The following LRP1B variants were observed in gnomAD, a reference collection of about 807,000 sequenced individuals.
LRP1B encodes the protein low-density lipoprotein receptor-related protein 1B.
Under a neutral mutation model 556.6 loss-of-function variants are expected in LRP1B, and 217 were observed. The observed-to-expected ratio is 0.39, with a 90% CI of 0.35 to 0.44. The LOEUF (loss-of-function observed/expected upper bound fraction) is 0.44. LRP1B is among the 20% of genes least tolerant of loss of function. The probability of loss-of-function intolerance (pLI) is 1.00; values close to 1 mark genes in which losing one functional copy is unlikely to be tolerated. For synonymous variants in LRP1B, 2,047 were observed against 1,865.8 expected (o/e 1.10, Z -2.50); for missense variants, 5,053 against 5,620.8 (o/e 0.90, Z 3.23).
chr2:141,778,857 A>T (rs569788739), intron 2 of LRP1B, among the ~76,000 whole-genome samples: 24 of 152,294 alleles, frequency 1.6e-4, no homozygotes, highest in African/African-American at 5.5e-4. Context: ...ATCATCATTT[A>T]TAAGAATGCT....
chr2:141,717,433 A>G (rs1422572659), intron 2 of LRP1B, among the ~76,000 whole-genome samples: 2 of 152,178 alleles, frequency 1.3e-5, no homozygotes, highest in Admixed American at 1.3e-4. Flanking sequence ...CAGTGGCAGA[A>G]CTCCAGTGTT....
chr2:141,566,552 T>G (rs1686337762), intron 2 of LRP1B, among the ~76,000 whole-genome samples: 1 of 152,218 alleles, frequency 6.6e-6, no homozygotes, highest in Admixed American at 6.5e-5. Context: ...TGTTTTCCAT[T>G]ATGTGTGGTC....
At chr2:140,306,338 A>T (rs1317568927) in intron 83 of LRP1B, among the ~76,000 whole-genome samples, 1 of 151,874 alleles carries the variant, frequency 6.6e-6, no homozygotes, top group Non-Finnish European at 1.5e-5. Flanking sequence ...AGAGCCTGTT[A>T]TTGGTCTATT....
intron 86 of LRP1B, among the ~76,000 whole-genome samples, chr2:140,258,321 T>A (rs1681786270): frequency 6.9e-6 from 1 of 144,620 alleles, no homozygotes. Flanking sequence ...AAAAAAAAAA[T>A]CCACCCTAAA....
At chr2:141,335,055 C>T (rs1439574908) in intron 3 of LRP1B, among the ~76,000 whole-genome samples, 1 of 152,180 alleles carries the variant, frequency 6.6e-6, no homozygotes, top group African/African-American at 2.4e-5. Context: ...GGAAGAAAAG[C>T]ATTAATTCAT....
intron 3 of LRP1B, among the ~76,000 whole-genome samples, chr2:141,437,632 G>A (rs993220091): frequency 4.0e-5 from 6 of 151,652 alleles, no homozygotes; most frequent in African/African-American, 1.5e-4. Flanking sequence ...TTATCATTCT[G>A]GGGGAAAAAA....
chr2:141,214,563 C>A (rs1325254634), intron 6 of LRP1B, among the ~76,000 whole-genome samples: 2 of 152,136 alleles, frequency 1.3e-5, no homozygotes, highest in Non-Finnish European at 2.9e-5. Flanking sequence ...AAAGTCTGCA[C>A]CATTTTGAGT....
At chr2:141,193,319 T>C (rs768424271) in intron 6 of LRP1B, among the ~76,000 whole-genome samples, 7 of 151,988 alleles carry the variant, frequency 4.6e-5, no homozygotes, top group Non-Finnish European at 8.8e-5. Flanking sequence ...CCATTCACAA[T>C]AGCAAAGACA....
chr2:141,044,239 C>A (rs1698797638), intron 11 of LRP1B, among the ~76,000 whole-genome samples: 2 of 151,430 alleles, frequency 1.3e-5, no homozygotes, highest in Non-Finnish European at 3.0e-5. Flanking sequence ...GAAACTGGAT[C>A]CCTTCCTTAC....
chr2:141,456,501 A>T (rs938097455), intron 3 of LRP1B, among the ~76,000 whole-genome samples: 2 of 152,204 alleles, frequency 1.3e-5, no homozygotes, highest in Non-Finnish European at 2.9e-5. Context: ...ACATCTTGAG[A>T]TTAGAGACAA....
At chr2:141,375,056 T>C (rs1451166447) in intron 3 of LRP1B, among the ~76,000 whole-genome samples, 1 of 152,132 alleles carries the variant, frequency 6.6e-6, no homozygotes, top group African/African-American at 2.4e-5. Context: ...AAGATGTATG[T>C]ATGTTGTTGG....
At chr2:140,654,643 AT>A (rs893143666) in intron 41 of LRP1B, among the ~76,000 whole-genome samples, 2 of 151,684 alleles carry the variant, frequency 1.3e-5, no homozygotes, top group African/African-American at 2.4e-5. Flanking sequence ...AATTCAGAAG[AT>A]TTTTTTTTCC....
intron 2 of LRP1B, among the ~76,000 whole-genome samples, chr2:141,751,614 TTC>T (rs978569930): frequency 2.0e-5 from 3 of 152,022 alleles, no homozygotes; most frequent in Admixed American, 6.6e-5. Flanking sequence ...ACAAGAAGGA[TTC>T]TCTGTCTTTG....
rs368476643 is a variant in LRP1B, at chr2:140,274,410, G to A, written c.13142+14C>T. 1.2e-4 allele frequency: 195 copies of A among 1,609,514 alleles called. No homozygotes were observed. The African/African-American group carries it at 2.4e-3, about 20-fold the overall frequency. The stretch of plus-strand genomic sequence containing the variant: ...TCCAAATGCTTTTATAAATTAAGCT[G>A]GGTGTCCACTTACTTGCAAAATATA... On this transcript the variant is annotated intron_variant, in intron 85 of 90. Coordinates refer to ENST00000389484, the MANE Select transcript of LRP1B (RefSeq NM_018557.3).
At position 141,688,350 on chromosome 2, in the gene LRP1B, C is replaced by A. The variant is rs555929982; in HGVS notation, c.205+121929G>T. On this transcript the variant is annotated intron_variant, in intron 2 of 90. Transcript: ENST00000389484. The stretch of plus-strand genomic sequence containing the variant: ...CACTGGTCTAAGTACCCTATATGGA[C>A]TTACACATGTGATCCTTACAACAAC... Among the ~76,000 whole-genome samples, 2 of 151,874 alleles carry A rather than the reference C, an allele frequency of 1.3e-5. 1 individual carries two copies. Among genetic ancestry groups the A allele is most frequent in the South Asian group, 4.1e-4 (2 of 4,830 alleles).
chr2:141,229,285 T>C lies in LRP1B; in HGVS notation c.748A>G (p.Ile250Val), dbSNP rs1364697799. The stretch of plus-strand genomic sequence containing the variant: ...TGATTTGAAGATTCTCTTGATTCAA[T>C]CCAACAAATCATATCTTCATTATAA... ...FIYNEDMICW[I>V]ESRESSNQLK... Residue 250 changes from isoleucine to valine, a missense_variant, in exon 6 of 91, where the codon ATT (isoleucine) becomes GTT (valine). Transcript: ENST00000389484. 1.2e-6 allele frequency: 2 copies of C among 1,612,116 alleles called. No homozygotes were observed. The highest frequency in any genetic ancestry group is 2.2e-5 in the South Asian group (2 of 91,000).
At chr2:141,216,613 A>G (rs1682826308) in intron 6 of LRP1B, among the ~76,000 whole-genome samples, 1 of 152,238 alleles carries the variant, frequency 6.6e-6, no homozygotes, top group Non-Finnish European at 1.5e-5. Flanking sequence ...CTCTGAGAGT[A>G]GCCACAGTAG....
At chr2:142,119,121 A>G (rs2105009393) in intron 1 of LRP1B, among the ~76,000 whole-genome samples, 1 of 152,284 alleles carries the variant, frequency 6.6e-6, no homozygotes, top group African/African-American at 2.4e-5. Context: ...AGGCATTTCT[A>G]AAATTTTAAA....
intron 51 of LRP1B, among the ~76,000 whole-genome samples, chr2:140,513,138 C>T (rs1260388260): frequency 9.9e-5 from 15 of 152,092 alleles, no homozygotes; most frequent in Middle Eastern, 3.4e-3. Flanking sequence ...GTTGGATGAT[C>T]ATATTAGGTA....
Sources: allele counts gnomAD v4.1 joint callset (sites outside exome capture counted in the v4.1 genomes callset), GRCh38; gene constraint gnomAD v4.1.1; transcripts MANE v1.5; gene names NCBI Gene and HGNC (gene_info 2026-07-23, HGNC 2026-07-21).